The following MUC4 variants were observed in gnomAD, a reference collection of about 807,000 sequenced individuals.
The protein encoded by MUC4 is mucin 4, cell surface associated.
Under a neutral mutation model 257.9 loss-of-function variants are expected in MUC4, and 202 were observed. That is an observed-to-expected ratio of 0.78 (90% CI 0.70 to 0.88). MUC4 has a LOEUF of 0.88. MUC4 is among the 40% of genes least tolerant of loss of function. MUC4 has a pLI of 0.00. For missense variants in MUC4, 5,976 were observed against 6,513.7 expected (o/e 0.92, Z 2.84); for synonymous variants, 2,351 against 2,757.1 (o/e 0.85, Z 4.62).
At chr3:195,751,358 C>T in intron 21 of MUC4, 87 bp from the exon 22 acceptor site, 3 of 1,018,246 alleles carry the variant, frequency 2.9e-6, no homozygotes, top group South Asian at 1.4e-5. Flanking sequence ...GTATTCATCC[C>T]TGTTTCCTCC....
At chr3:195,774,551 C>A (rs1291713831) in intron 3 of MUC4, among the ~76,000 whole-genome samples, 1 of 152,196 alleles carries the variant, frequency 6.6e-6, no homozygotes, top group African/African-American at 2.4e-5. Context: ...GTCCTGCTGT[C>A]AGAATACCAG....
intron 19 of MUC4, 130 bp from the exon 20 acceptor site, chr3:195,753,360 A>C: frequency 1.2e-6 from 1 of 859,308 alleles, no homozygotes; most frequent in Non-Finnish European, 1.8e-6. Flanking sequence ...GGAACCCCAA[A>C]CCATCCTTCC....
rs1718916710 is a variant in MUC4 at position 195,761,591 on chromosome 3, G to A, written c.14513-6C>T. On this transcript the variant is annotated splice_polypyrimidine_tract_variant and splice_region_variant and intron_variant, in intron 14 of 24. Coordinates refer to ENST00000463781, the MANE Select transcript of MUC4 (RefSeq NM_018406.7). ...TGGATTGTTATTCCAGACCCCTGAG[G>A]GACAGAGTGGGAGGTTGGCCACCCT... is the stretch of plus-strand genomic sequence containing the variant. 1 of 1,611,446 alleles carries A rather than the reference G, an allele frequency of 6.2e-7. No individual in the cohort carries two copies.
At chr3:195,750,422 G>T in intron 23 of MUC4, 1 of 179,008 alleles carries the variant, frequency 5.6e-6, no homozygotes, top group Non-Finnish European at 1.1e-5. Context: ...AGGTGCTGGG[G>T]GGTGTTGAGG....
rs748407568 is a variant in MUC4, at chr3:195,765,417, G to C, written c.13651C>G (p.Arg4551Gly). The change falls in exon 9 of 25, where the codon CGG becomes GGG. Residue 4551 changes from arginine to glycine, a missense_variant. Coordinates refer to ENST00000463781, the MANE Select transcript of MUC4 (RefSeq NM_018406.7). ...LQGLQFYRLH[R>G]EERPNYRLEC... ...AGACGGTAGTTGGGCCTTTCTTCCCGGTGTAGCCTGTAGAACTGCAGCCCT... is the reference window on the plus strand; with the variant it reads ...AGACGGTAGTTGGGCCTTTCTTCCCCGTGTAGCCTGTAGAACTGCAGCCCT... 1 of 1,613,372 alleles carries C rather than the reference G, an allele frequency of 6.2e-7. No individual in the cohort carries two copies.
rs771701130 is a variant in MUC4 at position 195,765,303 on chromosome 3, G to A, written c.13765C>T (p.Arg4589Ter). The change falls in exon 9 of 25, where the codon CGA becomes TGA. Residue 4589 changes from arginine (R) to a stop codon, truncating the protein, a stop_gained. Transcript: ENST00000463781. LOFTEE classifies it high-confidence loss of function. ...ACGGGTTGGAATCGTAAGTCCCGTC[G>A]TCCCTGCTGCCAGGAACAAGGGCAG... ...VSCPCSWQQG[R>*]RDLRFQPVSI... 29 of 1,613,452 alleles carry A rather than the reference G, an allele frequency of 1.8e-5. No homozygotes were observed. Among genetic ancestry groups the A allele is most frequent in the Admixed American group, 3.3e-5 (2 of 59,968 alleles).
Position 195,760,948 on chromosome 3 carries a change from G to A in MUC4, c.14784C>T (p.Asn4928=), listed in dbSNP as rs765631368. Residue 4928 remains asparagine, a synonymous_variant, in exon 16 of 25, where the codon AAC becomes AAT. Coordinates refer to ENST00000463781, the MANE Select transcript of MUC4 (RefSeq NM_018406.7). ...SCIYDTLALR[N]ASIGLHTREV... is the part of the protein sequence containing the mutation. ...CCCTCGTGTGAAGTCCGATGCTTGC[G>A]TTGCGCAGGGCCAGGGTGTCATAGA... 7 of 1,614,108 alleles carry A rather than the reference G, an allele frequency of 4.3e-6. No homozygotes were observed. The highest frequency in any genetic ancestry group is 2.7e-5 in the African/African-American group (2 of 74,940).
chr3:195,766,027 C>T (rs1720391859), intron 8 of MUC4, among the ~76,000 whole-genome samples: 1 of 152,134 alleles, frequency 6.6e-6, no homozygotes, highest in Admixed American at 6.5e-5. Flanking sequence ...GTGGCGCGAT[C>T]TCGGCTCGCT....
At chr3:195,759,918 A>AACACACACACACACACACACGCACGC (rs1553855203) in intron 16 of MUC4, among the ~76,000 whole-genome samples, 5 of 149,738 alleles carry the variant, frequency 3.3e-5, no homozygotes, top group African/African-American at 9.8e-5. Context: ...AAACTCCGTC[A>AACACACACACACACACACACGCACGC]ACACACACAC....
chr3:195,762,524 ACG>A, intron 13 of MUC4, among the ~76,000 whole-genome samples: 2 of 150,476 alleles, frequency 1.3e-5, no homozygotes, highest in African/African-American at 4.9e-5. Flanking sequence ...CTGCACCGCC[ACG>A]CACCGGGCCC....
intron 12 of MUC4, 126 bp downstream of exon 12, chr3:195,763,307 G>A: frequency 1.0e-6 from 1 of 967,486 alleles, no homozygotes; most frequent in Non-Finnish European, 1.4e-6. Context: ...GCGTGGATGG[G>A]CTGTGTCCTC....
At chr3:195,761,894 C>T (rs116085423) in intron 14 of MUC4, among the ~76,000 whole-genome samples, 193 bp downstream of exon 14, 4 of 152,100 alleles carry the variant, frequency 2.6e-5, no homozygotes, top group Non-Finnish European at 5.9e-5. Context: ...TTAGAGCGGG[C>T]GGAGGACAGG....
chr3:195,809,380 G>GGGCT (rs1297207309), intron 1 of MUC4, among the ~76,000 whole-genome samples: 1 of 152,300 alleles, frequency 6.6e-6, no homozygotes, highest in Admixed American at 6.5e-5. Flanking sequence ...AAAAGGAACG[G>GGGCT]GGCTGGCTGG....
At chr3:195,750,473 C>T (rs1361301931) in intron 23 of MUC4, 8 of 274,980 alleles carry the variant, frequency 2.9e-5, no homozygotes, top group African/African-American at 4.6e-5. Flanking sequence ...AGGGTGACAC[C>T]ATTTCAGGGA....
chr3:195,789,202 G>A lies in MUC4; in HGVS notation c.2378C>T (p.Ser793Leu), dbSNP rs199758295. Residue 793 changes from serine to leucine, a missense_variant, in exon 2 of 25, where the codon TCA becomes TTA. By Grantham distance (145) the Ser-to-Leu change is moderately radical. Coordinates refer to ENST00000463781, the MANE Select transcript of MUC4 (RefSeq NM_018406.7). ...GQTQTSEPASSGSRTTSAGTA... is the reference protein window; with the variant it reads ...GQTQTSEPASLGSRTTSAGTA... ...GCCCGCTGAGGTGGTTCGTGACCCT[G>A]AGGAGGCCGGTTCGCTGGTCTGTGT... The A allele has an allele frequency of 2.6e-4, 423 of 1,613,894 alleles. 1 individual carries two copies. The highest frequency in any genetic ancestry group is 3.1e-4 in the Non-Finnish European group (365 of 1,179,848).
intron 1 of MUC4, among the ~76,000 whole-genome samples, chr3:195,800,296 T>C (rs1380127626): frequency 6.6e-6 from 1 of 152,014 alleles, no homozygotes; most frequent in East Asian, 1.9e-4. Context: ...AAAAAATTCT[T>C]GCTAAACAGG....
chr3:195,767,892 CCA>C (rs1721838422), intron 7 of MUC4, among the ~76,000 whole-genome samples: 1 of 139,666 alleles, frequency 7.2e-6, no homozygotes, highest in African/African-American at 3.2e-5. Flanking sequence ...ACCATCACCA[CCA>C]CCATCACCAC....
At position 195,755,183 on chromosome 3, in the gene MUC4, T is replaced by A. The variant is rs1717419466; in HGVS notation, c.15169-811A>T. Among the ~76,000 whole-genome samples the A allele has an allele frequency of 6.6e-6, 1 of 151,480 alleles. No homozygotes were observed. Among genetic ancestry groups the A allele is most frequent in the African/African-American group, 2.4e-5 (1 of 41,206 alleles). ...AGGCATGCACCACCACGCCCACTAA[T>A]TTTTGTATTTTTCTTCTGCTTTTTT... On this transcript the variant is annotated intron_variant, in intron 18 of 24. Coordinates refer to ENST00000463781, the MANE Select transcript of MUC4 (RefSeq NM_018406.7). This position sits in a 1 kb window ranked among gnomAD's most constrained non-coding sequence, Gnocchi z 5.0.
Position 195,780,923 on chromosome 3 carries a change from GA to G in MUC4, c.10656del (p.Leu3553PhefsTer706), listed in dbSNP as rs1727385369. On this transcript the variant is annotated frameshift_variant, in exon 2 of 25. Transcript: ENST00000463781. LOFTEE classifies it high-confidence loss of function. ...LSSVSTGDTT[P>X]LPVTDASSAS... Reference sequence around the variant, plus strand: ...GCCGAGGAAGCGTCGGTGACAGGAAGAGGGGTGGTGTCACCTGTGGATACTG... The same window carrying G: ...GCCGAGGAAGCGTCGGTGACAGGAAGGGGGTGGTGTCACCTGTGGATACTG... 6.6e-7 allele frequency: 1 copy of G among 1,520,670 alleles called. No homozygotes were observed. Among genetic ancestry groups the G allele is most frequent in the Admixed American group, 2.0e-5 (1 of 49,984 alleles). 94.2% of individuals were successfully genotyped at this position (1,520,670 alleles called of 1,614,324 possible). A position where few individuals can be genotyped will look rare whatever the true frequency, so the allele number is the denominator to read the frequency against.
Sources: gnomAD v4.1 joint callset for allele counts (sites outside exome capture counted in the v4.1 genomes callset) on GRCh38, gnomAD v4.1.1 for gene constraint, Gnocchi (gnomAD v3.1) non-coding constraint, MANE v1.5 for transcripts, NCBI Gene and HGNC (gene_info 2026-07-23, HGNC 2026-07-21) for gene names.